The following METTL24 variants were observed in gnomAD, a reference collection of about 807,000 sequenced individuals.
The protein encoded by METTL24 is methyltransferase like 24, also known as probable methyltransferase-like protein 24.
A neutral mutation model predicts 32.7 loss-of-function variants in METTL24; 29 were observed. That is an observed-to-expected ratio of 0.89 (90% CI 0.66 to 1.21). METTL24 has a LOEUF of 1.21. Ranked by LOEUF, METTL24 falls within the 50% of genes most tolerant of loss-of-function variation. METTL24 has a pLI of 0.00. For missense variants in METTL24, 439 were observed against 468.1 expected, an observed-to-expected ratio of 0.94 and a Z score of 0.57; for synonymous variants, 163 against 179.5, an observed-to-expected ratio of 0.91 and a Z score of 0.73.
At chr6:110,319,009 AT>A (rs987558978) in intron 2 of METTL24, among the ~76,000 whole-genome samples, 2 of 152,180 alleles carry the variant, frequency 1.3e-5, no homozygotes, top group South Asian at 2.1e-4. Flanking sequence ...ATTTTGTGAA[AT>A]TTTTTTAATT....
intron 4 of METTL24, among the ~76,000 whole-genome samples, chr6:110,278,738 C>A (rs1477111436): frequency 6.6e-6 from 1 of 152,144 alleles, no homozygotes; most frequent in Non-Finnish European, 1.5e-5. Flanking sequence ...AAAATAAAAA[C>A]AGGCTGTTCA....
At chr6:110,348,678 T>C (rs1772530624) in intron 1 of METTL24, among the ~76,000 whole-genome samples, 1 of 152,262 alleles carries the variant, frequency 6.6e-6, no homozygotes, top group Non-Finnish European at 1.5e-5. Flanking sequence ...TGGAGGTCGT[T>C]CAACCAGCTC....
chr6:110,256,061 A>T (rs920794881), intron 4 of METTL24, among the ~76,000 whole-genome samples: 4 of 152,214 alleles, frequency 2.6e-5, no homozygotes, highest in African/African-American at 9.6e-5. Context: ...AGGAATAAAA[A>T]TAATGAAAGA....
chr6:110,271,106 G>A lies in METTL24; in HGVS notation c.787-24846C>T, dbSNP rs145605894. Reference sequence around the variant, plus strand: ...AACTCCTGACCTCAGATGATCCACCGAACTTGGCCTCCCAAAGTGCTGGGA... The same window carrying A: ...AACTCCTGACCTCAGATGATCCACCAAACTTGGCCTCCCAAAGTGCTGGGA... On this transcript the variant is annotated intron_variant, in intron 4 of 4. Transcript: ENST00000338882. 3.1e-3 allele frequency among the ~76,000 whole-genome samples: 462 copies of A among 151,398 alleles called. 4 individuals carry two copies. The highest frequency in any genetic ancestry group is 0.011 in the African/African-American group (445 of 41,240).
intron 4 of METTL24, among the ~76,000 whole-genome samples, chr6:110,264,694 T>C (rs937188882): frequency 2.6e-5 from 4 of 152,202 alleles, no homozygotes; most frequent in Non-Finnish European, 4.4e-5. Context: ...GTGGCACTAT[T>C]CACAATAGCA....
chr6:110,266,152 A>C (rs1770854370), intron 4 of METTL24, among the ~76,000 whole-genome samples: 1 of 151,342 alleles, frequency 6.6e-6, no homozygotes, highest in South Asian at 2.1e-4. Flanking sequence ...CGATCCTCCC[A>C]CCTCAAACTC....
At chr6:110,249,885 T>A (rs1168553607) in intron 4 of METTL24, among the ~76,000 whole-genome samples, 1 of 152,012 alleles carries the variant, frequency 6.6e-6, no homozygotes, top group Non-Finnish European at 1.5e-5. Flanking sequence ...TTGGTATGAT[T>A]TCCAGTGTAT....
In METTL24 at chr6:110,358,305, T is replaced by G. The variant is rs548637200; in HGVS notation, c.-33A>C. 8.7e-4 allele frequency: 1,215 copies of G among 1,401,202 alleles called. 11 individuals are homozygous for G. In the African/African-American group the frequency reaches 0.017, roughly 20 times the overall value. 86.8% of individuals were successfully genotyped at this position (1,401,202 alleles called of 1,614,324 possible). On this transcript the variant is annotated 5_prime_UTR_variant, in exon 1 of 5. Transcript: ENST00000338882. The stretch of plus-strand genomic sequence containing the variant: ...CACTCGGGGTCCCGCGGGCCGCGCC[T>G]GGCCGGCAGCAGGGATGTAGCCCCA...
At chr6:110,270,539 T>C (rs1013735767) in intron 4 of METTL24, among the ~76,000 whole-genome samples, 5 of 152,102 alleles carry the variant, frequency 3.3e-5, no homozygotes, top group Admixed American at 2.0e-4. Context: ...GTGGGTGGTT[T>C]CAGGCAGACA....
At chr6:110,294,133 T>G (rs1249996170) in intron 4 of METTL24, among the ~76,000 whole-genome samples, 1 of 152,046 alleles carries the variant, frequency 6.6e-6, no homozygotes, top group Non-Finnish European at 1.5e-5. Flanking sequence ...TTTTTTATTT[T>G]TTTTATGTTG....
chr6:110,265,875 CT>C (rs1273464944), intron 4 of METTL24, among the ~76,000 whole-genome samples: 1 of 115,444 alleles, frequency 8.7e-6, no homozygotes, highest in South Asian at 3.0e-4. Context: ...CCTCCTCCTC[CT>C]TCTTCCTCTT....
At chr6:110,303,671 G>A (rs548755373) in intron 3 of METTL24, among the ~76,000 whole-genome samples, 1 of 152,330 alleles carries the variant, frequency 6.6e-6, no homozygotes, top group Non-Finnish European at 1.5e-5. Flanking sequence ...CCACTCAGGG[G>A]CTTATAGACA....
At chr6:110,263,804 A>G (rs1027316356) in intron 4 of METTL24, among the ~76,000 whole-genome samples, 4 of 152,260 alleles carry the variant, frequency 2.6e-5, no homozygotes, top group African/African-American at 7.2e-5. Context: ...CAGAGCCCTC[A>G]GAAATAATGC....
intron 4 of METTL24, among the ~76,000 whole-genome samples, chr6:110,258,880 C>CT (rs2114697478): frequency 6.6e-6 from 1 of 152,056 alleles, no homozygotes; most frequent in East Asian, 1.9e-4. Flanking sequence ...GTCTGCAACT[C>CT]TAAGTCTTCA....
At chr6:110,332,361 C>T (rs1014579130) in intron 1 of METTL24, 8 of 237,322 alleles carry the variant, frequency 3.4e-5, no homozygotes, top group Non-Finnish European at 4.8e-5. Flanking sequence ...GACTGAAACA[C>T]ACCAGGGGAT....
chr6:110,333,930 T>A (rs1327556845), intron 1 of METTL24, among the ~76,000 whole-genome samples: 3 of 152,218 alleles, frequency 2.0e-5, no homozygotes, highest in African/African-American at 2.4e-5. Context: ...ACTCTCTACA[T>A]GTTGTCATTC....
At chr6:110,290,131 G>A (rs1041954505) in intron 4 of METTL24, among the ~76,000 whole-genome samples, 9 of 148,532 alleles carry the variant, frequency 6.1e-5, no homozygotes, top group Non-Finnish European at 1.3e-4. Context: ...GTCCAGGCTG[G>A]TCTCAAATTC....
chr6:110,322,704 T>G, intron 2 of METTL24, 70 bp downstream of exon 2: 1 of 1,330,062 alleles, frequency 7.5e-7, no homozygotes, highest in Non-Finnish European at 1.1e-6. Context: ...CTCCCCCACC[T>G]CCTTCTTTCA....
rs185348720 is a variant in METTL24 at position 110,245,529 on chromosome 6, A to T, written c.*417T>A. 7.2e-5 allele frequency among the ~76,000 whole-genome samples: 11 copies of T among 152,356 alleles called. No homozygotes were observed. In the East Asian group the frequency reaches 2.1e-3, roughly 29 times the overall value. ...AGGTAAATAAGAAAAACCTTGAAAA[A>T]GGAGGGTCAAATTCAAATTTAAAAC... On this transcript the variant is annotated 3_prime_UTR_variant, in exon 5 of 5. Transcript: ENST00000338882.
Sources: allele counts gnomAD v4.1 joint callset (sites outside exome capture counted in the v4.1 genomes callset), GRCh38; gene constraint gnomAD v4.1.1; transcripts MANE v1.5; gene names NCBI Gene and HGNC (gene_info 2026-07-23, HGNC 2026-07-21).